CHODL: variants seen among roughly 807,000 people sequenced by gnomAD.
The protein encoded by CHODL is chondrolectin.
A neutral mutation model predicts 34.5 loss-of-function variants in CHODL; 29 were observed. The observed-to-expected ratio is 0.84, with a 90% CI of 0.63 to 1.15. The LOEUF (loss-of-function observed/expected upper bound fraction) is 1.15, where lower values mean the gene tolerates loss of function less well. Ranked by LOEUF, CHODL falls within the 50% of genes most tolerant of loss-of-function variation. The pLI is 0.00. For synonymous variants in CHODL, 125 were observed against 116.1 expected, an observed-to-expected ratio of 1.08 and a Z score of -0.49; for missense variants, 332 against 332.5, an observed-to-expected ratio of 1.00 and a Z score of 0.01.
At chr21:18,069,520 A>ATT (rs2064770659) in intron 2 of CHODL, among the ~76,000 whole-genome samples, 1 of 143,682 alleles carries the variant, frequency 7.0e-6, no homozygotes, top group African/African-American at 2.5e-5. Flanking sequence ...ATATAAGGGG[A>ATT]TTATATATAT....
At chr21:18,149,071 C>T (rs1341188714) in intron 2 of CHODL, among the ~76,000 whole-genome samples, 1 of 152,054 alleles carries the variant, frequency 6.6e-6, no homozygotes, top group Non-Finnish European at 1.5e-5. Context: ...TTTTCCTGTC[C>T]TGTTTAAATT....
chr21:18,068,380 A>G (rs1296489011), intron 2 of CHODL, among the ~76,000 whole-genome samples: 3 of 152,086 alleles, frequency 2.0e-5, no homozygotes, highest in Non-Finnish European at 4.4e-5. Context: ...TATTTTTAGT[A>G]GGAACAGGGT....
Position 18,079,348 on chromosome 21 carries a change from T to TAC in CHODL, c.-45+51378_-45+51379dup, listed in dbSNP as rs1231903251. Among the ~76,000 whole-genome samples the TAC allele has an allele frequency of 2.0e-5, 3 of 150,034 alleles. No individual in the cohort carries two copies. In the East Asian group the frequency reaches 5.8e-4, roughly 29 times the overall value. Reference sequence around the variant, plus strand: ...AACACATGATTTTACGGTATATATATACCATAGAATATTATATATATATCA... The same window carrying TAC: ...AACACATGATTTTACGGTATATATATACACCATAGAATATTATATATATATCA... On this transcript the variant is annotated intron_variant, in intron 2 of 6. Transcript: ENST00000400127.
At position 18,067,474 on chromosome 21, in the gene CHODL, G is replaced by C. The variant is rs372587987; in HGVS notation, c.-45+39503G>C. On this transcript the variant is annotated intron_variant, in intron 2 of 6. Coordinates refer to the CHODL transcript ENST00000400127. ...TGTTTCCACCAGCCCAGGGATGTCA[G>C]AGATTGGCAGCAAACCACTGAAGCT... Among the ~76,000 whole-genome samples, 4 of 152,340 alleles carry C rather than the reference G, an allele frequency of 2.6e-5. No individual in the cohort carries two copies. The South Asian group carries it at 6.2e-4, about 24-fold the overall frequency.
chr21:18,122,191 AT>A (rs915195132), intron 2 of CHODL, among the ~76,000 whole-genome samples: 12 of 131,876 alleles, frequency 9.1e-5, no homozygotes, highest in Non-Finnish European at 1.6e-4. Flanking sequence ...ATGCTTTTTC[AT>A]TTTTTTATTG....
chr21:18,084,874 C>T (rs2064984928), intron 2 of CHODL, among the ~76,000 whole-genome samples: 1 of 151,254 alleles, frequency 6.6e-6, no homozygotes, highest in South Asian at 2.1e-4. Flanking sequence ...GTGTTAAAGT[C>T]CCCCACTATT....
rs1568957244 is a variant in CHODL at position 18,251,386 on chromosome 21, T to TTTTTTTATTATAAAAAATA, written c.80-5122_80-5121insTTTTTATTATAAAAAATAT. On this transcript the variant is annotated intron_variant, in intron 1 of 5. Coordinates refer to ENST00000299295, the MANE Select transcript of CHODL (RefSeq NM_024944.3). ...TTTATATAAAATAAATGTATTTTAT[T>TTTTTTTATTATAAAAAATA]TGTTTTAATATATAAAATATGTATT... 2.5e-3 allele frequency among the ~76,000 whole-genome samples: 291 copies of TTTTTTTATTATAAAAAATA among 115,400 alleles called. 21 individuals are homozygous for TTTTTTTATTATAAAAAATA. The highest frequency in any genetic ancestry group is 0.012 in the African/African-American group (287 of 24,816). The allele number at this position is 115,400 out of a possible 152,430, so 75.7% of individuals were successfully genotyped here.
At chr21:18,019,894 A>T (rs1477926127) in intron 1 of CHODL, among the ~76,000 whole-genome samples, 1 of 151,782 alleles carries the variant, frequency 6.6e-6, no homozygotes, top group Non-Finnish European at 1.5e-5. Context: ...AGCTCATAAG[A>T]CTCTAAAAGC....
At chr21:18,182,164 A>C (rs1438938567) in intron 2 of CHODL, among the ~76,000 whole-genome samples, 5 of 151,926 alleles carry the variant, frequency 3.3e-5, no homozygotes, top group Non-Finnish European at 5.9e-5. Flanking sequence ...GTACTACTTT[A>C]CCCTCCCATC....
Position 18,245,135 on chromosome 21 carries a change from G to A in CHODL, c.-89G>A. On this transcript the variant is annotated 5_prime_UTR_variant, in exon 1 of 6. Coordinates refer to ENST00000299295, the MANE Select transcript of CHODL (RefSeq NM_024944.3). ...GGGAGTAGGGCCCGGCAGGGAGGCA[G>A]GGAGGCTGCAGAGTCAGAGTCGCGG... is the stretch of plus-strand genomic sequence containing the variant. The A allele has an allele frequency of 8.6e-7, 1 of 1,165,804 alleles. No homozygotes were observed. The highest frequency in any genetic ancestry group is 1.2e-6 in the Non-Finnish European group (1 of 860,126). The allele number at this position is 1,165,804 out of a possible 1,614,324, so 72.2% of individuals were successfully genotyped here.
At chr21:18,245,391 C>A (rs1460021111) in intron 1 of CHODL, 89 bp downstream of exon 1, 2 of 1,175,738 alleles carry the variant, frequency 1.7e-6, no homozygotes, top group African/African-American at 1.6e-5. Flanking sequence ...GGAGGCTCTC[C>A]GGGGCGTTGG....
At chr21:18,051,110 G>T (rs1281365875) in intron 2 of CHODL, among the ~76,000 whole-genome samples, 1 of 151,870 alleles carries the variant, frequency 6.6e-6, no homozygotes, top group African/African-American at 2.4e-5. Context: ...CCTGGTGTGT[G>T]ATGTTCCCCT....
At chr21:17,945,486 AC>A in intron 1 of CHODL, among the ~76,000 whole-genome samples, 1 of 152,350 alleles carries the variant, frequency 6.6e-6, no homozygotes, top group Non-Finnish European at 1.5e-5. Flanking sequence ...GAAAGTTTAA[AC>A]AGCAGAATTA....
chr21:18,078,990 G>T lies in CHODL; in HGVS notation c.-45+51019G>T, dbSNP rs2064901383. On this transcript the variant is annotated intron_variant, in intron 2 of 6. Coordinates refer to the CHODL transcript ENST00000400127. ...ATGGCTTCTTTTTATTTGTTTATTT[G>T]CATATATTTAGGAGGTATAAGTGCA... is the stretch of plus-strand genomic sequence containing the variant. 2.0e-5 allele frequency among the ~76,000 whole-genome samples: 3 copies of T among 152,034 alleles called. No homozygotes were observed. The South Asian group carries it at 6.2e-4, about 32-fold the overall frequency.
At chr21:18,117,971 A>T (rs1190773853) in intron 2 of CHODL, among the ~76,000 whole-genome samples, 1 of 152,214 alleles carries the variant, frequency 6.6e-6, no homozygotes, top group Non-Finnish European at 1.5e-5. Flanking sequence ...ACCTGAAATC[A>T]TAAACCATTT....
At chr21:18,020,560 A>G (rs1384029233) in intron 1 of CHODL, among the ~76,000 whole-genome samples, 1 of 152,172 alleles carries the variant, frequency 6.6e-6, no homozygotes, top group East Asian at 1.9e-4. Context: ...TTAATCTCTC[A>G]AAATAAATTT....
chr21:18,219,427 G>T (rs2073861660), intron 2 of CHODL, among the ~76,000 whole-genome samples: 1 of 152,074 alleles, frequency 6.6e-6, no homozygotes, highest in East Asian at 1.9e-4. Flanking sequence ...TCCCTCCCAA[G>T]ACACATGGAT....
At position 18,214,523 on chromosome 21, in the gene CHODL, C is replaced by G. The variant is rs578084999; in HGVS notation, c.-44-41986C>G. The stretch of plus-strand genomic sequence containing the variant: ...ACACATATTATAAGCCTGGTTCAAT[C>G]ACTTATTGTCTTCAGAGAGATTTTT... On this transcript the variant is annotated intron_variant, in intron 2 of 6. Transcript: ENST00000400127. Among the ~76,000 whole-genome samples the G allele has an allele frequency of 1.3e-3, 195 of 152,204 alleles. 1 individual carries two copies. Among genetic ancestry groups the G allele is most frequent in the Middle Eastern group, 3.4e-3 (1 of 294 alleles).
intron 1 of CHODL, among the ~76,000 whole-genome samples, chr21:18,247,619 G>C (rs1015857884): frequency 1.3e-5 from 2 of 152,038 alleles, no homozygotes; most frequent in African/African-American, 4.8e-5. Flanking sequence ...GCATCTAGTA[G>C]TAATAAGAAA....
Sources: gnomAD v4.1 joint callset for allele counts (sites outside exome capture counted in the v4.1 genomes callset) on GRCh38, gnomAD v4.1.1 for gene constraint, MANE v1.5 for transcripts, NCBI Gene and HGNC (gene_info 2026-07-23, HGNC 2026-07-21) for gene names.